Variants in ATF7 observed in about 807,000 individuals in gnomAD.
ATF7 encodes the protein activating transcription factor 7, also known as cyclic AMP-dependent transcription factor ATF-7.
Under a neutral mutation model 50.4 loss-of-function variants are expected in ATF7, and 10 were observed. The ratio of observed to expected loss-of-function variants is 0.20; its 90% CI spans 0.12 to 0.34. ATF7 has a LOEUF of 0.34. ATF7 is among the 10% of genes least tolerant of loss of function. The probability of loss-of-function intolerance (pLI) is 1.00; values close to 1 mark genes in which losing one functional copy is unlikely to be tolerated. For missense variants in ATF7, 465 were observed against 613.9 expected (o/e 0.76, Z 2.56); for synonymous variants, 201 against 226.4 (o/e 0.89, Z 1.01).
chr12:53,621,079 G>A (rs1329415106), intron 1 of ATF7, among the ~76,000 whole-genome samples: 2 of 152,164 alleles, frequency 1.3e-5, no homozygotes, highest in African/African-American at 2.4e-5. Context: ...CAACTAATAT[G>A]CAACTTCATT....
At chr12:53,610,220 G>A (rs543719975) in intron 1 of ATF7, among the ~76,000 whole-genome samples, 4 of 152,150 alleles carry the variant, frequency 2.6e-5, no homozygotes, top group Non-Finnish European at 4.4e-5. Flanking sequence ...AAAGGTCAAG[G>A]GGTTAAGGTC....
intron 3 of ATF7, among the ~76,000 whole-genome samples, chr12:53,551,278 G>C (rs1387242793): frequency 6.6e-6 from 1 of 152,140 alleles, no homozygotes; most frequent in Non-Finnish European, 1.5e-5. Context: ...TCCCACCTCA[G>C]CCTCCCAAGT....
intron 9 of ATF7, among the ~76,000 whole-genome samples, chr12:53,529,379 T>C (rs1938705790): frequency 6.6e-6 from 1 of 151,716 alleles, no homozygotes; most frequent in Non-Finnish European, 1.5e-5. Flanking sequence ...TTTGTATTTT[T>C]TTTAGTAGAG....
chr12:53,602,171 C>T (rs1465302476), intron 1 of ATF7, among the ~76,000 whole-genome samples: 1 of 152,050 alleles, frequency 6.6e-6, no homozygotes, highest in African/African-American at 2.4e-5. Context: ...TTTCAAACAT[C>T]CTTCCATGAA....
Position 53,570,551 on chromosome 12 carries a change from T to A in ATF7, c.49-17914A>T, listed in dbSNP as rs140867491. Among the ~76,000 whole-genome samples the A allele has an allele frequency of 1.6e-3, 242 of 152,258 alleles. 1 individual carries two copies. Among genetic ancestry groups the A allele is most frequent in the African/African-American group, 5.8e-3 (240 of 41,540 alleles). On this transcript the variant is annotated intron_variant, in intron 2 of 11. Transcript: ENST00000420353. ...GCCAAAATACAACATACCAGGTGGC[T>A]TAAACAGAACTTTATTATCTCTCAG...
chr12:53,543,146 T>A, intron 4 of ATF7, 184 bp downstream of exon 4: 1 of 1,491,420 alleles, frequency 6.7e-7, no homozygotes, highest in South Asian at 1.3e-5. Context: ...TGATCCATCA[T>A]CTGGAACTCC....
downstream of ATF7, among the ~76,000 whole-genome samples, chr12:53,509,745 A>G (rs1944093658): frequency 6.6e-6 from 1 of 151,986 alleles, no homozygotes; most frequent in Admixed American, 6.6e-5. Context: ...ACCTCAAGCA[A>G]TCCACCCACC....
rs368295483 is a variant in ATF7 at position 53,524,651 on chromosome 12, G to C, written c.1038C>G (p.Ala346=). The C allele has an allele frequency of 4.6e-5, 75 of 1,613,718 alleles. No homozygotes were observed. Among genetic ancestry groups the C allele is most frequent in the Non-Finnish European group, 5.6e-5 (66 of 1,179,900 alleles). Residue 346 remains alanine, a synonymous_variant, in exon 10 of 12, where the codon GCC becomes GCG. Coordinates refer to ENST00000420353, the MANE Select transcript of ATF7 (RefSeq NM_006856.3). The surrounding 1 kb of genome is among the most constrained non-coding windows in gnomAD (Gnocchi z 4.6). ...GCTTTCGCTTTTGGCGGCAGCGGGA[G>C]GCTGCAGCCCGGTTGCGCTCCAGAA... ...QRFLERNRAA[A]SRCRQKRKLW... is the part of the protein sequence containing the mutation.
At chr12:53,585,144 T>A (rs564639252) in intron 2 of ATF7, among the ~76,000 whole-genome samples, 2 of 152,202 alleles carry the variant, frequency 1.3e-5, no homozygotes, top group South Asian at 4.2e-4. Context: ...GGCTAATTTT[T>A]AATTTTTTTT....
At chr12:53,573,179 G>A (rs1941869008) in intron 2 of ATF7, among the ~76,000 whole-genome samples, 1 of 151,170 alleles carries the variant, frequency 6.6e-6, no homozygotes, top group Admixed American at 6.6e-5. Flanking sequence ...TTTTATAACT[G>A]TTCTATTTTA....
At chr12:53,546,811 G>A (rs1208119422) in intron 3 of ATF7, among the ~76,000 whole-genome samples, 1 of 151,494 alleles carries the variant, frequency 6.6e-6, no homozygotes, top group African/African-American at 2.4e-5. Context: ...AGGCGGGAGA[G>A]CAGTGACACG....
intron 2 of ATF7, among the ~76,000 whole-genome samples, chr12:53,559,260 C>T (rs1376937557): frequency 6.6e-6 from 1 of 151,584 alleles, no homozygotes; most frequent in African/African-American, 2.4e-5. Context: ...ATGGGGGTCC[C>T]ATTACGTTGC....
intron 1 of ATF7, among the ~76,000 whole-genome samples, chr12:53,611,530 C>T (rs772632513): frequency 3.9e-5 from 6 of 152,262 alleles, no homozygotes; most frequent in Non-Finnish European, 8.8e-5. Flanking sequence ...AACTCATGGG[C>T]AAAATTCAGC....
At chr12:53,531,705 C>A (rs769603349) in intron 9 of ATF7, 39 bp downstream of exon 9, 1 of 1,555,392 alleles carries the variant, frequency 6.4e-7, no homozygotes, top group Admixed American at 1.9e-5. Context: ...CATAAAGATA[C>A]GTCATAAAGA....
chr12:53,533,651 T>C (rs1347975540), intron 6 of ATF7, among the ~76,000 whole-genome samples: 1 of 152,210 alleles, frequency 6.6e-6, no homozygotes, highest in Non-Finnish European at 1.5e-5. Context: ...TTTCTTTCCA[T>C]GGCTTGCTCT....
chr12:53,600,950 T>A lies in ATF7; in HGVS notation c.48+3A>T. On this transcript the variant is annotated splice_donor_region_variant and intron_variant, in intron 2 of 11. Coordinates refer to ENST00000420353, the MANE Select transcript of ATF7 (RefSeq NM_006856.3). The stretch of plus-strand genomic sequence containing the variant: ...TTCACAATAAAGTATATTGTAAACG[T>A]ACCTGTCCACAGCCCGGGGCATTGC... 1.2e-6 allele frequency: 2 copies of A among 1,613,032 alleles called. No homozygotes were observed. Among genetic ancestry groups the A allele is most frequent in the Non-Finnish European group, 1.7e-6 (2 of 1,179,502 alleles).
At chr12:53,593,930 C>A (rs1362358873) in intron 2 of ATF7, among the ~76,000 whole-genome samples, 7 of 152,192 alleles carry the variant, frequency 4.6e-5, no homozygotes, top group Admixed American at 2.0e-4. Context: ...AGACAGAATG[C>A]GACTGCTGAG....
chr12:53,576,458 G>C (rs752662812), intron 2 of ATF7, among the ~76,000 whole-genome samples: 3 of 152,112 alleles, frequency 2.0e-5, no homozygotes, highest in Non-Finnish European at 4.4e-5. Context: ...CATGAGGATG[G>C]AGCCTTCATG....
At chr12:53,537,115 G>T (rs1335960103) in intron 5 of ATF7, among the ~76,000 whole-genome samples, 1 of 151,788 alleles carries the variant, frequency 6.6e-6, no homozygotes, top group Non-Finnish European at 1.5e-5. Flanking sequence ...TGTTGCCCAG[G>T]CTGGGGTGCA....
Sources: allele counts gnomAD v4.1 joint callset (sites outside exome capture counted in the v4.1 genomes callset), GRCh38; gene constraint gnomAD v4.1.1; non-coding constraint Gnocchi (gnomAD v3.1); transcripts MANE v1.5; gene names NCBI Gene and HGNC (gene_info 2026-07-23, HGNC 2026-07-21).